METTL21C: variants seen among roughly 807,000 people sequenced by gnomAD.
METTL21C encodes the protein protein-lysine methyltransferase METTL21C.
Under a neutral mutation model 25.9 loss-of-function variants are expected in METTL21C, and 21 were observed. That is an observed-to-expected ratio of 0.81 (90% CI 0.58 to 1.17). The LOEUF is 1.17. Ranked by LOEUF, METTL21C falls within the 50% of genes most tolerant of loss-of-function variation. METTL21C has a pLI of 0.00. For missense variants in METTL21C, 312 were observed against 315.1 expected, an observed-to-expected ratio of 0.99 and a Z score of 0.07; for synonymous variants, 125 against 124.7, an observed-to-expected ratio of 1.00 and a Z score of -0.01.
At chr13:102,702,992 T>C in the METTL21C span, among the ~76,000 whole-genome samples, 2 of 152,166 alleles carry the variant, frequency 1.3e-5, no homozygotes, top group Non-Finnish European at 2.9e-5. Context: ...TACCATGGAA[T>C]AAAATATATT....
the METTL21C span, among the ~76,000 whole-genome samples, chr13:102,703,953 T>G: frequency 6.6e-5 from 10 of 152,236 alleles, no homozygotes; most frequent in Non-Finnish European, 1.5e-4. Flanking sequence ...TCTCCCTACC[T>G]TTCTCACACA....
At chr13:102,694,323 G>C in intron 1 of METTL21C, 46 bp downstream of exon 1, 1 of 1,575,752 alleles carries the variant, frequency 6.3e-7, no homozygotes, top group Non-Finnish European at 8.6e-7. Flanking sequence ...TCATCGCCAG[G>C]AAAACAACTG....
intron 1 of METTL21C, among the ~76,000 whole-genome samples, chr13:102,692,976 A>G (rs1290286518): frequency 1.3e-5 from 2 of 152,188 alleles, no homozygotes; most frequent in African/African-American, 4.8e-5. Flanking sequence ...AGGCCGAAAA[A>G]TAGGGTGATT....
At chr13:102,698,638 C>T (rs1039552577), upstream of METTL21C, among the ~76,000 whole-genome samples, 1 of 152,126 alleles carries the variant, frequency 6.6e-6, no homozygotes, top group Admixed American at 6.5e-5. Context: ...CCTGACCAAT[C>T]AATGACCCCA....
At chr13:102,691,255 T>G (rs1486189329) in intron 1 of METTL21C, among the ~76,000 whole-genome samples, 1 of 151,812 alleles carries the variant, frequency 6.6e-6, no homozygotes, top group Non-Finnish European at 1.5e-5. Flanking sequence ...GTCCCCACCC[T>G]AAATTTTGCT....
intron 1 of METTL21C, among the ~76,000 whole-genome samples, chr13:102,691,973 T>A (rs927614884): frequency 6.6e-6 from 1 of 152,012 alleles, no homozygotes; most frequent in Non-Finnish European, 1.5e-5. Flanking sequence ...AGTCAAAGTG[T>A]GTGGAAGAAG....
chr13:102,702,446 C>T, the METTL21C span, among the ~76,000 whole-genome samples: 1 of 152,008 alleles, frequency 6.6e-6, no homozygotes, highest in Middle Eastern at 3.2e-3. Context: ...AGAGCTGTAA[C>T]AATTGGAAAG....
intron 1 of METTL21C, among the ~76,000 whole-genome samples, chr13:102,693,324 ACAAT>A (rs1885875671): frequency 6.6e-6 from 1 of 152,218 alleles, no homozygotes; most frequent in South Asian, 2.1e-4. Context: ...GTTATATATA[ACAAT>A]CAGCTACAAA....
chr13:102,704,156 A>C, the METTL21C span, among the ~76,000 whole-genome samples: 1 of 152,242 alleles, frequency 6.6e-6, no homozygotes, highest in Non-Finnish European at 1.5e-5. Flanking sequence ...GCAAAAGCTT[A>C]ATTTTTAACG....
upstream of METTL21C, among the ~76,000 whole-genome samples, chr13:102,698,065 T>C (rs533381739): frequency 3.2e-4 from 48 of 152,280 alleles, no homozygotes; most frequent in African/African-American, 1.1e-3. Context: ...TAAGATGCCG[T>C]TGCTCCTTTC....
chr13:102,702,194 C>CAT, the METTL21C span, among the ~76,000 whole-genome samples: 929 of 134,940 alleles, frequency 6.9e-3, 12 homozygotes, highest in African/African-American at 0.03. Context: ...TATATATATA[C>CAT]ATATATATAT....
Position 102,694,867 on chromosome 13 carries a change from CTCTCTT to C in METTL21C, c.-375_-370del, listed in dbSNP as rs1322912205. On this transcript the variant is annotated 5_prime_UTR_variant, in exon 1 of 4. Coordinates refer to ENST00000267273, the MANE Select transcript of METTL21C (RefSeq NM_001010977.3). ...AGACACATTACTTTGCTAGAATTCT[CTCTCTT>C]TCTCTCTCTCTCTCTCTCTCTCTCT... is the stretch of plus-strand genomic sequence containing the variant. Among the ~76,000 whole-genome samples, 1,674 of 127,154 alleles carry C rather than the reference CTCTCTT, an allele frequency of 0.013. 31 individuals are homozygous for C. Among genetic ancestry groups the C allele is most frequent in the African/African-American group, 0.056 (1,566 of 27,802 alleles). 83.4% of individuals were successfully genotyped at this position (127,154 alleles called of 152,430 possible). A position where few individuals can be genotyped will look rare whatever the true frequency, so the allele number is the denominator to read the frequency against.
rs181857394 is a variant in METTL21C at position 102,692,151 on chromosome 13, G to A, written c.131-1187C>T. Among the ~76,000 whole-genome samples the A allele has an allele frequency of 2.9e-4, 44 of 152,296 alleles. 1 individual carries two copies. The East Asian group carries it at 8.3e-3, about 29-fold the overall frequency. ...GGGTCAAATATGGGCTTTGGACAAA[G>A]GTAGAAGGGGGCAGCCGGTGAACAT... is the stretch of plus-strand genomic sequence containing the variant. On this transcript the variant is annotated intron_variant, in intron 1 of 3. Transcript: ENST00000267273.
chr13:102,689,700 G>C (rs928342916), intron 2 of METTL21C, among the ~76,000 whole-genome samples: 2 of 152,198 alleles, frequency 1.3e-5, no homozygotes, highest in African/African-American at 4.8e-5. Context: ...GAGGGCCACT[G>C]TCTATCTTGG....
At chr13:102,699,671 C>A (rs1886001650), upstream of METTL21C, among the ~76,000 whole-genome samples, 1 of 152,172 alleles carries the variant, frequency 6.6e-6, no homozygotes, top group African/African-American at 2.4e-5. Flanking sequence ...TGTGTGATTT[C>A]CAGTGAGTAA....
the METTL21C span, among the ~76,000 whole-genome samples, chr13:102,701,286 C>A: frequency 4.3e-4 from 66 of 152,154 alleles, no homozygotes; most frequent in Middle Eastern, 0.017. Context: ...GGCCTAGATG[C>A]GCCTCTTCAG....
chr13:102,689,027 G>A (rs1011205516), intron 2 of METTL21C, among the ~76,000 whole-genome samples: 3 of 152,162 alleles, frequency 2.0e-5, no homozygotes, highest in African/African-American at 2.4e-5. Flanking sequence ...TGGTGCATGA[G>A]TGATACCTTG....
chr13:102,689,580 C>G (rs1262327161), intron 2 of METTL21C, among the ~76,000 whole-genome samples: 1 of 152,210 alleles, frequency 6.6e-6, no homozygotes, highest in Non-Finnish European at 1.5e-5. Context: ...TGTAAGACCT[C>G]CTGAATCAGA....
At chr13:102,700,017 C>A (rs980051859), upstream of METTL21C, among the ~76,000 whole-genome samples, 15 of 152,168 alleles carry the variant, frequency 9.9e-5, no homozygotes, top group African/African-American at 2.7e-4. Context: ...CAAATCTCCA[C>A]CTGCAGAGAA....
Sources: allele counts gnomAD v4.1 joint callset (sites outside exome capture counted in the v4.1 genomes callset), GRCh38; gene constraint gnomAD v4.1.1; transcripts MANE v1.5; gene names NCBI Gene and HGNC (gene_info 2026-07-23, HGNC 2026-07-21).